MACF1: variants seen among roughly 807,000 people sequenced by gnomAD.
MACF1 encodes the protein microtubule actin crosslinking factor 1, also known as microtubule-actin cross-linking factor 1.
MACF1 carries 193 observed loss-of-function variants against 854.8 expected under a neutral mutation model. The observed-to-expected ratio is 0.23, with a 90% CI of 0.20 to 0.25. The LOEUF is 0.25. MACF1 is among the 10% of genes least tolerant of loss of function. MACF1 has a pLI of 1.00. For missense variants in MACF1, 7,722 were observed against 8,929.1 expected (o/e 0.86, Z 5.45); for synonymous variants, 3,185 against 3,226.7 (o/e 0.99, Z 0.44).
intron 58 of MACF1, among the ~76,000 whole-genome samples, chr1:39,404,205 T>G (rs189533448): frequency 4.0e-4 from 59 of 149,338 alleles, no homozygotes; most frequent in South Asian, 3.4e-3. Context: ...AATAAAACGG[T>G]TTTTTTTTGC....
intron 36 of MACF1, among the ~76,000 whole-genome samples, chr1:39,327,676 C>T (rs746550524): frequency 2.0e-5 from 3 of 152,216 alleles, no homozygotes; most frequent in Non-Finnish European, 4.4e-5. Context: ...AACATACTCC[C>T]TTGTGGCATT....
At chr1:39,179,259 C>G (rs1170569489) in intron 2 of MACF1, among the ~76,000 whole-genome samples, 1 of 152,158 alleles carries the variant, frequency 6.6e-6, no homozygotes, top group Non-Finnish European at 1.5e-5. Flanking sequence ...CCGTGTTGCT[C>G]TAGGAAAACT....
chr1:39,386,235 T>C (rs1233691024), intron 57 of MACF1, among the ~76,000 whole-genome samples: 1 of 145,826 alleles, frequency 6.9e-6, no homozygotes, highest in Non-Finnish European at 1.5e-5. Flanking sequence ...TATACTCTCA[T>C]TGATACCCAC....
At chr1:39,402,139 G>T (rs2148594010) in intron 58 of MACF1, among the ~76,000 whole-genome samples, 1 of 152,322 alleles carries the variant, frequency 6.6e-6, no homozygotes, top group Admixed American at 6.5e-5. Context: ...TTGAACCTGG[G>T]AGGTAGAGGT....
At chr1:39,477,133 T>TACAC (rs1243959585) in intron 97 of MACF1, among the ~76,000 whole-genome samples, 2,940 of 98,872 alleles carry the variant, frequency 0.03, 311 homozygotes, top group African/African-American at 0.11. Context: ...TATATATATA[T>TACAC]ATACACACAC....
chr1:39,314,014 C>G (rs367584255), intron 26 of MACF1, among the ~76,000 whole-genome samples: 15 of 152,184 alleles, frequency 9.9e-5, no homozygotes, highest in African/African-American at 3.6e-4. Context: ...AGTTCTGATT[C>G]TTTTGGGCAG....
At chr1:39,410,791 A>G in intron 58 of MACF1, 4 of 1,614,008 alleles carry the variant, frequency 2.5e-6, no homozygotes, top group Non-Finnish European at 2.5e-6. Context: ...TTCTGCATTA[A>G]CAGAAAGTTC....
intron 2 of MACF1, among the ~76,000 whole-genome samples, chr1:39,238,139 C>G (rs999314193): frequency 6.6e-6 from 1 of 152,190 alleles, no homozygotes; most frequent in Non-Finnish European, 1.5e-5. Context: ...TTTTCCCTGT[C>G]ATCTCTTAGA....
intron 97 of MACF1, among the ~76,000 whole-genome samples, chr1:39,471,016 T>C (rs1185658953): frequency 6.6e-6 from 1 of 152,226 alleles, no homozygotes; most frequent in Admixed American, 6.5e-5. Context: ...AGCTATTTTC[T>C]ATGAAAGCTA....
At chr1:39,485,047 G>A (rs932578563) in intron 100 of MACF1, 10 of 405,110 alleles carry the variant, frequency 2.5e-5, no homozygotes, top group African/African-American at 1.8e-4. Context: ...GGGATGAGCA[G>A]CTTGCTAGTA....
At chr1:39,219,943 G>T (rs1438476629) in intron 1 of MACF1, among the ~76,000 whole-genome samples, 1 of 152,076 alleles carries the variant, frequency 6.6e-6, no homozygotes, top group African/African-American at 2.4e-5. Flanking sequence ...TAGAGACGGG[G>T]TTTTGCCATG....
intron 58 of MACF1, among the ~76,000 whole-genome samples, chr1:39,420,951 T>C (rs1348422648): frequency 6.6e-6 from 1 of 150,704 alleles, no homozygotes; most frequent in East Asian, 2.0e-4. Flanking sequence ...CTGCAAGCTC[T>C]ACCTCCCGGG....
Position 39,279,316 on chromosome 1 carries a change from C to T in MACF1, c.529-2892C>T, listed in dbSNP as rs186278084. On this transcript the variant is annotated intron_variant, in intron 6 of 100. Coordinates refer to ENST00000564288, the MANE Select transcript of MACF1 (RefSeq NM_001394062.1). ...AGCTTCCCATACTCTTCTATTCTCA[C>T]GGTCTTTCTTCAGACATCTTAGTAA... Among the ~76,000 whole-genome samples, 274 of 152,226 alleles carry T rather than the reference C, an allele frequency of 1.8e-3. 3 individuals are homozygous for T. The highest frequency in any genetic ancestry group is 6.5e-3 in the African/African-American group (268 of 41,536).
chr1:39,118,583 C>A (rs1440827239), intron 2 of MACF1, among the ~76,000 whole-genome samples: 1 of 152,152 alleles, frequency 6.6e-6, no homozygotes, highest in African/African-American at 2.4e-5. Flanking sequence ...CATTAGGTGC[C>A]CATCTCTCAG....
At chr1:39,190,116 T>C (rs1352651996) in intron 2 of MACF1, among the ~76,000 whole-genome samples, 2 of 152,228 alleles carry the variant, frequency 1.3e-5, no homozygotes, top group Non-Finnish European at 2.9e-5. Flanking sequence ...TGATAAAATC[T>C]GATATGTGCT....
intron 58 of MACF1, among the ~76,000 whole-genome samples, chr1:39,404,071 A>G (rs1216591940): frequency 6.6e-6 from 1 of 150,558 alleles, no homozygotes; most frequent in African/African-American, 2.4e-5. Context: ...AGAGGTTGCA[A>G]TGAGCGAGAT....
At chr1:39,138,215 T>TCAAAA (rs901540035) in intron 2 of MACF1, among the ~76,000 whole-genome samples, 6 of 151,532 alleles carry the variant, frequency 4.0e-5, no homozygotes, top group African/African-American at 1.2e-4. Flanking sequence ...AAACAACGAA[T>TCAAAA]CAAAACAAAA....
In MACF1 at chr1:39,448,138, C is replaced by A. The variant is rs754920316; in HGVS notation, c.20074C>A (p.Leu6692Ile). The A allele has an allele frequency of 6.2e-7, 1 of 1,613,992 alleles. No homozygotes were observed. The highest frequency in any genetic ancestry group is 8.5e-7 in the Non-Finnish European group (1 of 1,179,932). Residue 6692 changes from leucine to isoleucine, a missense_variant, in exon 83 of 101, where the codon CTT becomes ATT. Leu to Ile is a conservative substitution (Grantham distance 5). Transcript: ENST00000564288. ...SNDPDKIKLQ[L>I]SKHKEFQKTL... The stretch of plus-strand genomic sequence containing the variant: ...TGACCCAGACAAAATTAAACTTCAG[C>A]TTTCTAAGCATAAGGTAAAGCAGTT...
Position 39,336,357 on chromosome 1 carries a change from G to A in MACF1, c.9769G>A (p.Asp3257Asn), listed in dbSNP as rs754789688. The A allele has an allele frequency of 4.3e-6, 7 of 1,614,052 alleles. No homozygotes were observed. The South Asian group carries it at 7.7e-5, about 18-fold the overall frequency. The change falls in exon 37 of 101, where the codon GAC becomes AAC. Residue 3257 changes from aspartate to asparagine, a missense_variant. Around this residue, in one of 15 missense-constraint regions of MACF1, gnomAD observed 854 missense variants for 852.6 expected, o/e 1.00. Transcript: ENST00000564288. ...AGGTCTAGAAGCAGGATCCATTGAG[G>A]ACATAGTGACTCAGAGAGGTTCCAG... ...VAGLEAGSIEDIVTQRGSRVL... is the reference protein window; with the variant it reads ...VAGLEAGSIENIVTQRGSRVL...
Sources: allele counts gnomAD v4.1 joint callset (sites outside exome capture counted in the v4.1 genomes callset), GRCh38; gene constraint gnomAD v4.1.1; regional missense constraint gnomAD v4.1.1; transcripts MANE v1.5; gene names NCBI Gene and HGNC (gene_info 2026-07-23, HGNC 2026-07-21).